The following SPIRE1 variants were observed in gnomAD, a reference collection of about 807,000 sequenced individuals.
The protein encoded by SPIRE1 is protein spire homolog 1.
A neutral mutation model predicts 94.1 loss-of-function variants in SPIRE1; 40 were observed. That is an observed-to-expected ratio of 0.43 (90% confidence interval 0.33 to 0.55). The LOEUF (loss-of-function observed/expected upper bound fraction) is 0.55, where lower values mean the gene tolerates loss of function less well. SPIRE1 is among the 20% of genes least tolerant of loss of function. The probability of loss-of-function intolerance (pLI) is 0.06; values close to 1 mark genes in which losing one functional copy is unlikely to be tolerated. For missense variants in SPIRE1, 838 were observed against 975.2 expected (o/e 0.86, Z 1.87); for synonymous variants, 376 against 371.7 (o/e 1.01, Z -0.13).
At chr18:12,580,584 A>G (rs759176529) in intron 2 of SPIRE1, among the ~76,000 whole-genome samples, 12 of 152,288 alleles carry the variant, frequency 7.9e-5, no homozygotes, top group Non-Finnish European at 1.5e-4. Context: ...TTGGCCTCCC[A>G]AAGTGCTGGG....
At chr18:12,534,337 A>G (rs182214002) in intron 4 of SPIRE1, among the ~76,000 whole-genome samples, 1 of 152,298 alleles carries the variant, frequency 6.6e-6, no homozygotes, top group Admixed American at 6.5e-5. Flanking sequence ...GTTTTAGCCT[A>G]GTGCTTCTGA....
chr18:12,532,023 G>T (rs1222846191), intron 4 of SPIRE1, among the ~76,000 whole-genome samples: 2 of 152,046 alleles, frequency 1.3e-5, no homozygotes, highest in Non-Finnish European at 2.9e-5. Context: ...AACTTACAAG[G>T]ATATCAAATT....
chr18:12,572,312 A>T (rs1250899805), intron 2 of SPIRE1, among the ~76,000 whole-genome samples: 10 of 149,434 alleles, frequency 6.7e-5, no homozygotes, highest in Non-Finnish European at 1.3e-4. Context: ...ATCTCATCTC[A>T]TTTTTTTTTT....
At chr18:12,492,248 T>C (rs375856410) in intron 8 of SPIRE1, among the ~76,000 whole-genome samples, 1 of 152,276 alleles carries the variant, frequency 6.6e-6, no homozygotes, top group East Asian at 1.9e-4. Context: ...AGGAGAAAAC[T>C]AGCAGAGTGG....
intron 2 of SPIRE1, among the ~76,000 whole-genome samples, chr18:12,575,607 T>A (rs2036074876): frequency 6.6e-6 from 1 of 152,212 alleles, no homozygotes; most frequent in African/African-American, 2.4e-5. Context: ...AGGCATGAAC[T>A]ACTGAGCCTG....
intron 1 of SPIRE1, among the ~76,000 whole-genome samples, chr18:12,654,565 T>C (rs1268894613): frequency 6.6e-6 from 1 of 150,386 alleles, no homozygotes; most frequent in Admixed American, 6.7e-5. Context: ...GAGAATGGCA[T>C]GCACCTGGGA....
intron 2 of SPIRE1, among the ~76,000 whole-genome samples, chr18:12,623,686 T>C (rs1229429082): frequency 6.6e-6 from 1 of 152,178 alleles, no homozygotes; most frequent in Non-Finnish European, 1.5e-5. Flanking sequence ...TGGAGTGCAA[T>C]GGCATGATCT....
chr18:12,530,835 A>G (rs2034660256), intron 4 of SPIRE1, among the ~76,000 whole-genome samples: 1 of 152,184 alleles, frequency 6.6e-6, no homozygotes, highest in Non-Finnish European at 1.5e-5. Flanking sequence ...TACTCTTATG[A>G]TACATCAAGT....
intron 1 of SPIRE1, among the ~76,000 whole-genome samples, chr18:12,643,280 C>T (rs1238141413): frequency 6.6e-6 from 1 of 152,174 alleles, no homozygotes; most frequent in African/African-American, 2.4e-5. Flanking sequence ...GCAATTCAAA[C>T]ATTGCTTAAA....
At chr18:12,521,932 T>G (rs766521226) in intron 4 of SPIRE1, among the ~76,000 whole-genome samples, 1 of 152,080 alleles carries the variant, frequency 6.6e-6, no homozygotes, top group Non-Finnish European at 1.5e-5. Flanking sequence ...TTCCCCCATC[T>G]CTCTCCCTCT....
At chr18:12,595,214 G>T (rs537133763) in intron 2 of SPIRE1, among the ~76,000 whole-genome samples, 46 of 152,290 alleles carry the variant, frequency 3.0e-4, no homozygotes, top group Admixed American at 2.6e-3. Context: ...GCTGAGGTGG[G>T]AGGATCACCT....
At chr18:12,601,645 C>T (rs2036837213) in intron 2 of SPIRE1, among the ~76,000 whole-genome samples, 2 of 152,116 alleles carry the variant, frequency 1.3e-5, no homozygotes, top group African/African-American at 4.8e-5. Flanking sequence ...TCTTCTGACC[C>T]CCAGCTCCAT....
chr18:12,461,556 TGC>T (rs1414271407), intron 12 of SPIRE1, among the ~76,000 whole-genome samples: 3 of 144,176 alleles, frequency 2.1e-5, no homozygotes, highest in South Asian at 2.1e-4. Flanking sequence ...TATACATACA[TGC>T]GTGTATATGT....
intron 2 of SPIRE1, among the ~76,000 whole-genome samples, chr18:12,575,274 A>T (rs1182515149): frequency 6.6e-6 from 1 of 152,164 alleles, no homozygotes; most frequent in Non-Finnish European, 1.5e-5. Flanking sequence ...GCTAGTTATG[A>T]CTCAGTGAAC....
Position 12,657,811 on chromosome 18 carries a change from C to T in SPIRE1, c.56G>A (p.Gly19Asp), listed in dbSNP as rs2038600705. 1.6e-6 allele frequency: 2 copies of T among 1,244,680 alleles called. No homozygotes were observed. Among genetic ancestry groups the T allele is most frequent in the Non-Finnish European group, 2.0e-6 (2 of 994,094 alleles). The allele number at this position is 1,244,680 out of a possible 1,614,324, so 77.1% of individuals were successfully genotyped here. A position where few individuals can be genotyped will look rare whatever the true frequency, so the allele number is the denominator to read the frequency against. ...GGGEPRTEAV[G>D]GEGPREPGAA... ...CCCGGGCTCCCGCGGCCCCTCGCCG[C>T]CCACTGCCTCAGTCCGCGGCTCCCC... The change falls in exon 1 of 17, where the codon GGC (glycine) becomes GAC (aspartate). Residue 19 changes from glycine (G) to aspartate (D), a missense_variant. By Grantham distance (94) the Gly-to-Asp change is moderately conservative. This residue lies in a region of SPIRE1 where 193 missense variants were observed against 170.5 expected (regional missense o/e 1.13). Coordinates refer to ENST00000409402, the MANE Select transcript of SPIRE1 (RefSeq NM_001128626.2).
At chr18:12,560,766 T>G (rs1056613440) in intron 2 of SPIRE1, among the ~76,000 whole-genome samples, 1 of 152,158 alleles carries the variant, frequency 6.6e-6, no homozygotes, top group Non-Finnish European at 1.5e-5. Flanking sequence ...GTGGGAGAAC[T>G]GCTGGAATCC....
At chr18:12,586,978 T>C (rs2036406096) in intron 2 of SPIRE1, among the ~76,000 whole-genome samples, 1 of 152,258 alleles carries the variant, frequency 6.6e-6, no homozygotes, top group Non-Finnish European at 1.5e-5. Flanking sequence ...ACTGAGCATG[T>C]GCCAGCACTT....
intron 6 of SPIRE1, among the ~76,000 whole-genome samples, chr18:12,504,318 G>A (rs1207264971): frequency 2.1e-5 from 3 of 145,834 alleles, no homozygotes; most frequent in Admixed American, 2.0e-4. Context: ...ACCAGCCTGG[G>A]CAACATGGTG....
At chr18:12,597,435 C>T (rs866453120) in intron 2 of SPIRE1, among the ~76,000 whole-genome samples, 1 of 152,088 alleles carries the variant, frequency 6.6e-6, no homozygotes, top group African/African-American at 2.4e-5. Context: ...AAGAGGCCAC[C>T]AAACAGGTAT....
Sources: allele counts gnomAD v4.1 joint callset (sites outside exome capture counted in the v4.1 genomes callset), GRCh38; gene constraint gnomAD v4.1.1; regional missense constraint gnomAD v4.1.1; transcripts MANE v1.5; gene names NCBI Gene and HGNC (gene_info 2026-07-23, HGNC 2026-07-21).